Variants in EVL observed in about 807,000 individuals in gnomAD.
The protein encoded by EVL is Enah/Vasp-like.
In EVL, 21 loss-of-function variants were observed where a neutral mutation model predicts 59.6. The ratio of observed to expected loss-of-function variants is 0.35; its 90% CI spans 0.25 to 0.51. The LOEUF (loss-of-function observed/expected upper bound fraction) is 0.51. EVL is among the 20% of genes least tolerant of loss of function. The probability of loss-of-function intolerance (pLI) is 0.97; values close to 1 mark genes in which losing one functional copy is unlikely to be tolerated. For synonymous variants in EVL, 198 were observed against 203.5 expected, an observed-to-expected ratio of 0.97 and a Z score of 0.23; for missense variants, 462 against 546.6, an observed-to-expected ratio of 0.85 and a Z score of 1.54.
At chr14:100,059,595 C>T (rs1454217266) in intron 1 of EVL, among the ~76,000 whole-genome samples, 1 of 152,258 alleles carries the variant, frequency 6.6e-6, no homozygotes, top group South Asian at 2.1e-4. Context: ...TGCCAGAGGT[C>T]ATTCAGTTCT....
chr14:100,082,541 T>C (rs886091270), intron 1 of EVL, among the ~76,000 whole-genome samples: 1 of 152,196 alleles, frequency 6.6e-6, no homozygotes, highest in Non-Finnish European at 1.5e-5. Flanking sequence ...ATTAAAACCA[T>C]TTACAACCAA....
chr14:100,048,935 G>T (rs1442086234), intron 1 of EVL, among the ~76,000 whole-genome samples: 1 of 152,188 alleles, frequency 6.6e-6, no homozygotes, highest in Non-Finnish European at 1.5e-5. Context: ...CTGGGAATTG[G>T]TGGGGGCGGA....
chr14:100,107,405 A>C (rs1886639022), intron 3 of EVL: 1 of 397,876 alleles, frequency 2.5e-6, no homozygotes, highest in African/African-American at 2.1e-5. Context: ...CCAGGGAAGG[A>C]GGCTTGGGTG....
intron 11 of EVL, chr14:100,140,646 ATGTT>A (rs900792774): frequency 1.3e-5 from 2 of 150,132 alleles, no homozygotes; most frequent in African/African-American, 4.9e-5. Flanking sequence ...ACATGGGAGG[ATGTT>A]TCTTGGGGGA....
intron 3 of EVL, among the ~76,000 whole-genome samples, chr14:100,099,685 G>A (rs76598596): frequency 0.024 from 3,595 of 151,336 alleles, 137 homozygotes; most frequent in East Asian, 0.18. Flanking sequence ...TAACATTTCC[G>A]TCTGAACTTA....
rs2060870791 is a variant in EVL, at chr14:99,990,826, G to C, written c.5+18769G>C. Among the ~76,000 whole-genome samples, 4 of 152,200 alleles carry C rather than the reference G, an allele frequency of 2.6e-5. No individual in the cohort carries two copies. In the South Asian group the frequency reaches 8.3e-4, roughly 32 times the overall value. ...ATTCTGCAGTGAGCATGAGTATGCA[G>C]ATATCTCTTCAAGATCCTACTTTGC... On this transcript the variant is annotated intron_variant, in intron 1 of 13. Coordinates refer to the EVL transcript ENST00000402714.
chr14:100,054,162 C>T (rs979024527), intron 1 of EVL, among the ~76,000 whole-genome samples: 1 of 143,590 alleles, frequency 7.0e-6, no homozygotes, highest in African/African-American at 2.6e-5. Context: ...TCAAGCGATT[C>T]TCCTGCCTCA....
chr14:99,984,093 G>T (rs2060825401), intron 1 of EVL, among the ~76,000 whole-genome samples: 1 of 152,158 alleles, frequency 6.6e-6, no homozygotes, highest in African/African-American at 2.4e-5. Context: ...ATTCATCCCA[G>T]TTTGGCATGG....
Position 100,084,730 on chromosome 14 carries a change from G to T in EVL, c.55G>T (p.Asp19Tyr). 6.2e-7 allele frequency: 1 copy of T among 1,614,130 alleles called. No homozygotes were observed. The highest frequency in any genetic ancestry group is 8.5e-7 in the Non-Finnish European group (1 of 1,180,032). The change falls in exon 2 of 14, where the codon GAT becomes TAT. Residue 19 changes from aspartate to tyrosine, a missense_variant. Transcript: ENST00000392920. ...CQARASVMVYDDTSKKWVPIK... is the reference protein window; with the variant it reads ...CQARASVMVYYDTSKKWVPIK... ...AGCCCGGGCTTCCGTGATGGTCTAC[G>T]ATGACACCAGTAAGAAATGGGTACC... is the stretch of plus-strand genomic sequence containing the variant.
chr14:100,073,468 C>T (rs1050420234), intron 1 of EVL, among the ~76,000 whole-genome samples: 22 of 151,816 alleles, frequency 1.4e-4, no homozygotes, highest in Non-Finnish European at 1.3e-4. Flanking sequence ...GCTACAGGCA[C>T]CCACCACCAT....
At chr14:100,142,017 C>G in intron 13 of EVL, 1 of 432,896 alleles carries the variant, frequency 2.3e-6, no homozygotes, top group Non-Finnish European at 4.2e-6. Flanking sequence ...GCATGACACC[C>G]GAATCTGACC....
At chr14:100,063,298 C>A (rs56014854), upstream of EVL, among the ~76,000 whole-genome samples, 4,884 of 152,260 alleles carry the variant, frequency 0.032, 99 homozygotes, top group African/African-American at 0.053. Context: ...GGTCGGAGCA[C>A]TGCTGCGTGC....
chr14:100,102,613 G>T (rs1055374590), intron 3 of EVL, among the ~76,000 whole-genome samples: 1 of 152,138 alleles, frequency 6.6e-6, no homozygotes, highest in African/African-American at 2.4e-5. Context: ...GTAATGATGG[G>T]GAAGGGAGAG....
chr14:99,980,269 AT>A (rs1259288511), intron 1 of EVL, among the ~76,000 whole-genome samples: 1 of 152,198 alleles, frequency 6.6e-6, no homozygotes, highest in Admixed American at 6.5e-5. Context: ...ACTTGATCAT[AT>A]CAGTAGTTTA....
At chr14:100,084,170 G>A (rs1209849004) in intron 1 of EVL, among the ~76,000 whole-genome samples, 1 of 151,062 alleles carries the variant, frequency 6.6e-6, no homozygotes, top group African/African-American at 2.4e-5. Flanking sequence ...TTGTGCCTCA[G>A]CCTCCCGAGT....
chr14:100,036,306 G>A (rs1392653887), intron 1 of EVL, among the ~76,000 whole-genome samples: 1 of 152,146 alleles, frequency 6.6e-6, no homozygotes, highest in African/African-American at 2.4e-5. Context: ...AAAAAAGTTG[G>A]GGACCGCTGC....
chr14:100,081,984 C>T (rs1463093686), intron 1 of EVL, among the ~76,000 whole-genome samples: 2 of 152,080 alleles, frequency 1.3e-5, no homozygotes, highest in African/African-American at 2.4e-5. Context: ...ATTAGCCAGG[C>T]GTGGTGGTAT....
At chr14:100,025,631 TA>T (rs1486925685) in intron 1 of EVL, among the ~76,000 whole-genome samples, 2 of 152,206 alleles carry the variant, frequency 1.3e-5, no homozygotes, top group African/African-American at 4.8e-5. Flanking sequence ...GATAGGTTTT[TA>T]AAAATACACA....
intron 1 of EVL, among the ~76,000 whole-genome samples, chr14:100,013,569 A>G (rs1276292713): frequency 1.3e-5 from 2 of 152,250 alleles, no homozygotes; most frequent in Non-Finnish European, 2.9e-5. Context: ...AGGTGGAAGC[A>G]CTATGGATCC....
Sources: gnomAD v4.1 joint callset for allele counts (sites outside exome capture counted in the v4.1 genomes callset) on GRCh38, gnomAD v4.1.1 for gene constraint, MANE v1.5 for transcripts, NCBI Gene and HGNC (gene_info 2026-07-23, HGNC 2026-07-21) for gene names.